The following ATXN7 variants were observed in gnomAD, a reference collection of about 807,000 sequenced individuals.
The protein encoded by ATXN7 is ataxin 7, also known as ataxin-7.
Under a neutral mutation model 70.5 loss-of-function variants are expected in ATXN7, and 12 were observed. The observed-to-expected ratio is 0.17, with a 90% CI of 0.11 to 0.28. The LOEUF is 0.28. Among genes scored for constraint, ATXN7 ranks in the 10% least tolerant of loss-of-function variants. ATXN7 has a pLI of 1.00. For missense variants in ATXN7, 1,256 were observed against 1,131.7 expected (o/e 1.11, Z -1.58); for synonymous variants, 498 against 448.7 (o/e 1.11, Z -1.39).
chr3:63,984,565 A>G lies in ATXN7; in HGVS notation c.1095+1544A>G, dbSNP rs1303387598. 2.0e-5 allele frequency among the ~76,000 whole-genome samples: 3 copies of G among 152,296 alleles called. No individual in the cohort carries two copies. The East Asian group carries it at 5.8e-4, about 29-fold the overall frequency. The stretch of plus-strand genomic sequence containing the variant: ...TCCTGCCTACCTGACTCTCAGTAAC[A>G]TGGATTTCTCAGTAATACAGTACCT... On this transcript the variant is annotated intron_variant, in intron 8 of 12. Transcript: ENST00000674280.
chr3:63,864,232 G>T (rs1430488867), intron 1 of ATXN7, among the ~76,000 whole-genome samples, 74 bp downstream of exon 1: 1 of 150,866 alleles, frequency 6.6e-6, no homozygotes, highest in Non-Finnish European at 1.5e-5. Flanking sequence ...TCGGGGTCCC[G>T]GCTTCTTCCC....
At chr3:63,959,135 A>G (rs746760805) in intron 5 of ATXN7, among the ~76,000 whole-genome samples, 2 of 152,202 alleles carry the variant, frequency 1.3e-5, no homozygotes, top group African/African-American at 4.8e-5. Context: ...TGCCTGTTCT[A>G]CTTTATTTAA....
At chr3:63,963,480 G>A (rs1158502288) in intron 5 of ATXN7, among the ~76,000 whole-genome samples, 2 of 152,006 alleles carry the variant, frequency 1.3e-5, no homozygotes, top group African/African-American at 2.4e-5. Context: ...CATACATGCT[G>A]CATTCTTAGT....
chr3:63,999,711 T>TA lies in ATXN7; in HGVS notation c.*247dup. The TA allele has an allele frequency of 1.5e-6, 1 of 684,158 alleles. No individual in the cohort carries two copies. The highest frequency in any genetic ancestry group is 1.8e-5 in the South Asian group (1 of 54,442). The allele number at this position is 684,158 out of a possible 1,614,324, so 42.4% of individuals were successfully genotyped here. ...GCCACCGAATTGCTTTTATCAGTGT[T>TA]AAAGTGGTCTGAACTGCTTGCTACC... On this transcript the variant is annotated 3_prime_UTR_variant, in exon 13 of 13. Coordinates refer to ENST00000674280, the MANE Select transcript of ATXN7 (RefSeq NM_001377405.1).
intron 1 of ATXN7, among the ~76,000 whole-genome samples, chr3:63,889,417 C>T (rs1042806197): frequency 1.3e-5 from 2 of 152,116 alleles, no homozygotes; most frequent in Non-Finnish European, 2.9e-5. Flanking sequence ...TAATGCAAAG[C>T]TTATGTCACA....
chr3:63,875,284 G>T (rs1702716305), intron 1 of ATXN7, among the ~76,000 whole-genome samples: 1 of 151,992 alleles, frequency 6.6e-6, no homozygotes, highest in Admixed American at 6.6e-5. Flanking sequence ...AATAGACAGG[G>T]TCTTGCTATG....
intron 5 of ATXN7, among the ~76,000 whole-genome samples, chr3:63,976,891 T>G (rs1285599862): frequency 6.6e-6 from 1 of 152,176 alleles, no homozygotes; most frequent in Non-Finnish European, 1.5e-5. Flanking sequence ...CTTACAAATG[T>G]TAAATGGTAA....
At chr3:63,949,205 T>C (rs2106647310) in intron 4 of ATXN7, among the ~76,000 whole-genome samples, 1 of 152,088 alleles carries the variant, frequency 6.6e-6, no homozygotes, top group South Asian at 2.1e-4. Flanking sequence ...ACTCTGTTCC[T>C]GTTGCTAAGG....
At chr3:63,881,424 A>T (rs893305881) in intron 1 of ATXN7, among the ~76,000 whole-genome samples, 2 of 152,136 alleles carry the variant, frequency 1.3e-5, no homozygotes, top group Middle Eastern at 3.4e-3. Context: ...CAGAAGTGCA[A>T]ATACTCTAAG....
At chr3:63,975,685 C>T (rs1045753145) in intron 5 of ATXN7, among the ~76,000 whole-genome samples, 9 of 152,090 alleles carry the variant, frequency 5.9e-5, no homozygotes, top group African/African-American at 9.7e-5. Context: ...AAAATCTCAG[C>T]GTGAATTCAG....
At chr3:63,892,021 G>A (rs1703282241) in intron 1 of ATXN7, among the ~76,000 whole-genome samples, 3 of 152,174 alleles carry the variant, frequency 2.0e-5, no homozygotes, top group South Asian at 2.1e-4. Flanking sequence ...TCACTTACAA[G>A]TATTCTTTGT....
chr3:63,913,562 C>A (rs1248863642), intron 4 of ATXN7, among the ~76,000 whole-genome samples: 2 of 152,198 alleles, frequency 1.3e-5, no homozygotes, highest in Non-Finnish European at 1.5e-5. Context: ...AGCTTTGAAA[C>A]CTTTCCACGA....
intron 11 of ATXN7, among the ~76,000 whole-genome samples, chr3:63,991,314 TG>T (rs1435518765): frequency 1.5e-5 from 2 of 129,632 alleles, no homozygotes; most frequent in African/African-American, 5.8e-5. Flanking sequence ...TTTTTTGTTT[TG>T]TTTTTTTAAT....
chr3:63,912,969 CT>C, intron 3 of ATXN7, 46 bp downstream of exon 3: 2 of 1,442,732 alleles, frequency 1.4e-6, no homozygotes, highest in South Asian at 1.2e-5. Context: ...TCGCGACCCC[CT>C]CCTCTCTCCT....
intron 1 of ATXN7, among the ~76,000 whole-genome samples, chr3:63,875,676 G>A (rs917921925): frequency 6.6e-6 from 1 of 152,034 alleles, no homozygotes; most frequent in African/African-American, 2.4e-5. Flanking sequence ...GTAGTCACTC[G>A]TCCTTTCAGC....
chr3:63,868,387 G>A (rs942126694), intron 1 of ATXN7, among the ~76,000 whole-genome samples: 10 of 152,136 alleles, frequency 6.6e-5, no homozygotes, highest in African/African-American at 1.7e-4. Flanking sequence ...GAAGTTTCCC[G>A]TATAAAAGTC....
chr3:63,954,279 T>C (rs2075002685), intron 5 of ATXN7, among the ~76,000 whole-genome samples: 1 of 152,188 alleles, frequency 6.6e-6, no homozygotes, highest in African/African-American at 2.4e-5. Flanking sequence ...GCTGCACAGT[T>C]TGTGCACTGA....
At position 63,990,041 on chromosome 3, in the gene ATXN7, A is replaced by G. The variant is rs2075643715; in HGVS notation, c.1362-135A>G. On this transcript the variant is annotated intron_variant, in intron 9 of 12. Coordinates refer to ENST00000674280, the MANE Select transcript of ATXN7 (RefSeq NM_001377405.1). ...TTACTCCCAAGCCACCTGGATCAGC[A>G]TCTGTTTTCCCCCAGTGCTAGAGGT... The G allele has an allele frequency of 1.2e-5, 9 of 745,396 alleles. No homozygotes were observed. The East Asian group carries it at 2.2e-4, about 18-fold the overall frequency. The allele number at this position is 745,396 out of a possible 1,614,324, so 46.2% of individuals were successfully genotyped here.
intron 4 of ATXN7, among the ~76,000 whole-genome samples, chr3:63,915,877 T>G (rs1477003304): frequency 6.6e-6 from 1 of 151,984 alleles, no homozygotes; most frequent in African/African-American, 2.4e-5. Context: ...AGATGGAGTT[T>G]CATTCACCAT....
Sources: allele counts gnomAD v4.1 joint callset (sites outside exome capture counted in the v4.1 genomes callset), GRCh38; gene constraint gnomAD v4.1.1; transcripts MANE v1.5; gene names NCBI Gene and HGNC (gene_info 2026-07-23, HGNC 2026-07-21).